RBFOX1: variants seen among roughly 807,000 people sequenced by gnomAD.
RBFOX1 encodes the protein RNA binding protein fox-1 homolog 1.
RBFOX1 carries 8 observed loss-of-function variants against 57.7 expected under a neutral mutation model. The ratio of observed to expected loss-of-function variants is 0.14; its 90% CI spans 0.08 to 0.25. The LOEUF is 0.25. Among genes scored for constraint, RBFOX1 ranks in the 10% least tolerant of loss-of-function variants. The pLI is 1.00. For missense variants in RBFOX1, 611 were observed against 548.5 expected (o/e 1.11, Z -1.14); for synonymous variants, 326 against 222.4 (o/e 1.47, Z -4.15).
chr16:6,831,580 A>T (rs1471855629), intron 3 of RBFOX1, among the ~76,000 whole-genome samples: 6 of 152,238 alleles, frequency 3.9e-5, no homozygotes, highest in Non-Finnish European at 8.8e-5. Flanking sequence ...TTATTTGAGT[A>T]ACTCAAAAAT....
intron 3 of RBFOX1, among the ~76,000 whole-genome samples, chr16:6,835,154 G>A (rs901785733): frequency 6.6e-6 from 1 of 152,100 alleles, no homozygotes; most frequent in East Asian, 1.9e-4. Context: ...GCCCACCTCG[G>A]CCTCCCACAG....
chr16:7,481,140 G>T (rs2063840307), intron 4 of RBFOX1, among the ~76,000 whole-genome samples: 2 of 152,104 alleles, frequency 1.3e-5, no homozygotes, highest in Non-Finnish European at 1.5e-5. Flanking sequence ...GTTCAATGAG[G>T]ATGGTGCTAC....
chr16:5,339,468 G>GTTTTTTTTTTT (rs2064980854), intron 1 of RBFOX1, among the ~76,000 whole-genome samples: 2 of 27,118 alleles, frequency 7.4e-5, no homozygotes, highest in Admixed American at 4.7e-4. Flanking sequence ...TGCTTTTTCC[G>GTTTTTTTTTTT]TGTTTTTTTT....
At chr16:5,609,091 A>C (rs922456016) in intron 3 of RBFOX1, among the ~76,000 whole-genome samples, 3 of 152,182 alleles carry the variant, frequency 2.0e-5, no homozygotes, top group Non-Finnish European at 4.4e-5. Flanking sequence ...AGGGAGTTCA[A>C]TATTCTCAGT....
intron 1 of RBFOX1, among the ~76,000 whole-genome samples, chr16:6,020,962 G>T (rs1219295248): frequency 1.3e-5 from 2 of 152,220 alleles, no homozygotes; most frequent in Non-Finnish European, 2.9e-5. Flanking sequence ...TGGTCAGGGG[G>T]CTGGGAGAGC....
chr16:7,292,469 T>C (rs1398899102), intron 4 of RBFOX1, among the ~76,000 whole-genome samples: 2 of 144,288 alleles, frequency 1.4e-5, no homozygotes, highest in Non-Finnish European at 3.0e-5. Context: ...ATATATAATA[T>C]ATAATGTATT....
intron 4 of RBFOX1, among the ~76,000 whole-genome samples, chr16:7,512,590 T>A (rs1189250640): frequency 6.6e-6 from 1 of 152,208 alleles, no homozygotes; most frequent in African/African-American, 2.4e-5. Context: ...AGTCCCATGT[T>A]CCTGGATGCT....
At chr16:7,231,892 G>A (rs1264561421) in intron 4 of RBFOX1, among the ~76,000 whole-genome samples, 1 of 152,172 alleles carries the variant, frequency 6.6e-6, no homozygotes, top group Non-Finnish European at 1.5e-5. Flanking sequence ...GTTGCTACAG[G>A]CTAGGAGGAA....
intron 1 of RBFOX1, among the ~76,000 whole-genome samples, chr16:5,313,295 G>A (rs2064141727): frequency 6.6e-6 from 1 of 152,164 alleles, no homozygotes; most frequent in African/African-American, 2.4e-5. Flanking sequence ...CATGGCAGTT[G>A]ATGAGGAGAG....
chr16:7,318,680 A>G (rs979777003), intron 4 of RBFOX1, among the ~76,000 whole-genome samples: 2 of 152,158 alleles, frequency 1.3e-5, no homozygotes, highest in African/African-American at 4.8e-5. Context: ...ACAGCTTTTA[A>G]CAAAAAGGTA....
At chr16:5,709,267 A>T (rs562742258) in intron 3 of RBFOX1, among the ~76,000 whole-genome samples, 1 of 152,274 alleles carries the variant, frequency 6.6e-6, no homozygotes, top group African/African-American at 2.4e-5. Flanking sequence ...GGCAGCAAAG[A>T]CGATGGGTGC....
chr16:7,498,973 A>G (rs770722211), intron 4 of RBFOX1, among the ~76,000 whole-genome samples: 41 of 152,178 alleles, frequency 2.7e-4, no homozygotes, highest in Admixed American at 1.0e-3. Flanking sequence ...TTGCATTTCT[A>G]TCACTGGACC....
chr16:7,197,288 C>A (rs117998776), intron 4 of RBFOX1, among the ~76,000 whole-genome samples: 1 of 152,032 alleles, frequency 6.6e-6, no homozygotes, highest in South Asian at 2.1e-4. Flanking sequence ...TGCTTCATGT[C>A]GTGGTTGAAG....
intron 1 of RBFOX1, among the ~76,000 whole-genome samples, chr16:6,202,114 A>G (rs2097219374): frequency 6.6e-6 from 1 of 152,244 alleles, no homozygotes. Flanking sequence ...GGAGAAACAC[A>G]TAGCTATGTC....
intron 4 of RBFOX1, among the ~76,000 whole-genome samples, chr16:7,390,623 C>T (rs1292303912): frequency 6.6e-6 from 1 of 152,138 alleles, no homozygotes; most frequent in Admixed American, 6.5e-5. Context: ...GAGCATAGAT[C>T]ATTTTCGGAT....
intron 4 of RBFOX1, among the ~76,000 whole-genome samples, chr16:7,454,226 C>G (rs530469618): frequency 2.0e-5 from 3 of 152,146 alleles, no homozygotes; most frequent in Admixed American, 2.0e-4. Flanking sequence ...GGGCGAGACT[C>G]CGTCCCCCAC....
chr16:7,691,891 G>C (rs940872582), intron 14 of RBFOX1, among the ~76,000 whole-genome samples: 1 of 152,188 alleles, frequency 6.6e-6, no homozygotes, highest in South Asian at 2.1e-4. Context: ...TCTTGCTTAC[G>C]GTAGCATTCT....
chr16:6,675,818 C>A (rs1467740750), intron 3 of RBFOX1, among the ~76,000 whole-genome samples: 1 of 152,090 alleles, frequency 6.6e-6, no homozygotes, highest in Non-Finnish European at 1.5e-5. Context: ...CAATTATCTC[C>A]CACCAGGCCC....
At chr16:6,920,882 C>T (rs2074310082) in intron 3 of RBFOX1, among the ~76,000 whole-genome samples, 1 of 152,186 alleles carries the variant, frequency 6.6e-6, no homozygotes, top group Non-Finnish European at 1.5e-5. Context: ...CAAATAGGGT[C>T]ACATTCACTG....
Sources: allele counts gnomAD v4.1 joint callset (sites outside exome capture counted in the v4.1 genomes callset), GRCh38; gene constraint gnomAD v4.1.1; transcripts MANE v1.5; gene names NCBI Gene and HGNC (gene_info 2026-07-23, HGNC 2026-07-21).